The following SPIDR variants were observed in gnomAD, a reference collection of about 807,000 sequenced individuals.
SPIDR encodes the protein scaffold protein involved in DNA repair, also known as DNA repair-scaffolding protein.
In SPIDR, 93 loss-of-function variants were observed where a neutral mutation model predicts 104.6. That is an observed-to-expected ratio of 0.89 (90% confidence interval 0.75 to 1.06). The LOEUF (loss-of-function observed/expected upper bound fraction) is 1.06, where lower values mean the gene tolerates loss of function less well. Ranked by LOEUF, SPIDR falls within the 50% of genes least tolerant of loss-of-function variation. SPIDR has a pLI of 0.00. For synonymous variants in SPIDR, 431 were observed against 416.9 expected (o/e 1.03, Z -0.41); for missense variants, 1,154 against 1,111.2 (o/e 1.04, Z -0.55).
At chr8:47,370,656 G>T (rs1457026393) in intron 5 of SPIDR, among the ~76,000 whole-genome samples, 3 of 151,186 alleles carry the variant, frequency 2.0e-5, no homozygotes, top group Admixed American at 1.3e-4. Context: ...CACCATGTTG[G>T]TGAAAGGCTG....
chr8:47,607,997 A>ACAATT (rs1300287595), intron 10 of SPIDR, among the ~76,000 whole-genome samples: 1 of 152,186 alleles, frequency 6.6e-6, no homozygotes, highest in Non-Finnish European at 1.5e-5. Flanking sequence ...TTTAAAGTGT[A>ACAATT]CAATTCAATT....
chr8:47,488,192 T>C (rs2078030666), intron 8 of SPIDR, among the ~76,000 whole-genome samples: 1 of 152,204 alleles, frequency 6.6e-6, no homozygotes, highest in Non-Finnish European at 1.5e-5. Flanking sequence ...CCCACAGAAA[T>C]GCAAACTACC....
chr8:47,647,645 A>AGAGAGAGAGAGAGAGAGAGG (rs2070722301), intron 10 of SPIDR, among the ~76,000 whole-genome samples: 1 of 146,236 alleles, frequency 6.8e-6, no homozygotes, highest in Non-Finnish European at 1.5e-5. Flanking sequence ...AGAGAGAGAG[A>AGAGAGAGAGAGAGAGAGAGG]GAGAGAGAGG....
chr8:47,345,394 T>C (rs2051730955), intron 5 of SPIDR, among the ~76,000 whole-genome samples: 1 of 152,268 alleles, frequency 6.6e-6, no homozygotes, highest in South Asian at 2.1e-4. Flanking sequence ...AGTCAGGTAG[T>C]GTGATGCCTC....
chr8:47,709,175 C>G (rs923136535), intron 14 of SPIDR, among the ~76,000 whole-genome samples: 14 of 152,092 alleles, frequency 9.2e-5, no homozygotes, highest in Admixed American at 2.6e-4. Flanking sequence ...GAGTCTCTCT[C>G]TGTCGCCCAC....
chr8:47,346,767 T>C (rs1423029993), intron 5 of SPIDR, among the ~76,000 whole-genome samples: 1 of 152,244 alleles, frequency 6.6e-6, no homozygotes, highest in Non-Finnish European at 1.5e-5. Context: ...TATAGTATTC[T>C]CTGATGGTAG....
rs547376910 is a variant in SPIDR, at chr8:47,715,118, A to G, written c.2341+1477A>G. Among the ~76,000 whole-genome samples the G allele has an allele frequency of 9.2e-5, 14 of 151,812 alleles. No homozygotes were observed. In the South Asian group the frequency reaches 1.2e-3, roughly 14 times the overall value. Reference sequence around the variant, plus strand: ...ACACCCTAGTCTTAGGAAACCACCAATCTACTGTTTGCTTCTATGAATTTG... The same window carrying G: ...ACACCCTAGTCTTAGGAAACCACCAGTCTACTGTTTGCTTCTATGAATTTG... On this transcript the variant is annotated intron_variant, in intron 16 of 19. Coordinates refer to ENST00000297423, the MANE Select transcript of SPIDR (RefSeq NM_001080394.4).
chr8:47,719,016 G>A (rs1291162869), intron 16 of SPIDR, among the ~76,000 whole-genome samples: 1 of 152,144 alleles, frequency 6.6e-6, no homozygotes, highest in Admixed American at 6.5e-5. Context: ...CTGAGGTGAG[G>A]TGGTGAGCAG....
chr8:47,303,567 C>T (rs2042611937), intron 5 of SPIDR, among the ~76,000 whole-genome samples: 1 of 152,194 alleles, frequency 6.6e-6, no homozygotes, highest in African/African-American at 2.4e-5. Flanking sequence ...GGAGCTGTTC[C>T]TGTTTGGCCA....
At chr8:47,399,850 T>C (rs2061652758) in intron 6 of SPIDR, among the ~76,000 whole-genome samples, 1 of 152,130 alleles carries the variant, frequency 6.6e-6, no homozygotes, top group Non-Finnish European at 1.5e-5. Context: ...GGGAAAAGGT[T>C]GGTCAAACAC....
At chr8:47,648,479 A>G (rs1234700547) in intron 10 of SPIDR, among the ~76,000 whole-genome samples, 2 of 152,168 alleles carry the variant, frequency 1.3e-5, no homozygotes, top group Non-Finnish European at 2.9e-5. Context: ...TTCAAGATGG[A>G]TGGGTGAATG....
intron 5 of SPIDR, among the ~76,000 whole-genome samples, chr8:47,324,813 A>G (rs539387984): frequency 6.6e-6 from 1 of 152,310 alleles, no homozygotes; most frequent in South Asian, 2.1e-4. Flanking sequence ...AAAGTACTAC[A>G]TACTGGATGG....
In SPIDR at chr8:47,558,862, C is replaced by T. The variant is rs1365115217; in HGVS notation, c.1098-36949C>T. ...TCACTGTGTTAGCCGGGATGAGTGTCGATCTGACCTCGTGATCCACCCGCC... is the reference window on the plus strand; with the variant it reads ...TCACTGTGTTAGCCGGGATGAGTGTTGATCTGACCTCGTGATCCACCCGCC... On this transcript the variant is annotated intron_variant, in intron 8 of 19. Transcript: ENST00000297423. Among the ~76,000 whole-genome samples the T allele has an allele frequency of 5.9e-5, 9 of 152,094 alleles. No individual in the cohort carries two copies. In the South Asian group the frequency reaches 1.9e-3, roughly 32 times the overall value.
At chr8:47,557,120 C>A (rs2091417967) in intron 8 of SPIDR, among the ~76,000 whole-genome samples, 1 of 152,100 alleles carries the variant, frequency 6.6e-6, no homozygotes, top group African/African-American at 2.4e-5. Flanking sequence ...TGCATTATAA[C>A]ATTTTACTGA....
At chr8:47,292,635 A>G (rs1173493250) in intron 4 of SPIDR, among the ~76,000 whole-genome samples, 1 of 152,134 alleles carries the variant, frequency 6.6e-6, no homozygotes, top group Admixed American at 6.6e-5. Context: ...CAATTTCCTC[A>G]TCTGTAAAAT....
intron 8 of SPIDR, among the ~76,000 whole-genome samples, chr8:47,543,976 G>A (rs968074903): frequency 2.0e-5 from 3 of 152,096 alleles, no homozygotes; most frequent in Non-Finnish European, 2.9e-5. Context: ...CCTTAGGGAA[G>A]AATTCTGGTT....
At chr8:47,434,459 C>A (rs2067915680) in intron 7 of SPIDR, among the ~76,000 whole-genome samples, 1 of 152,098 alleles carries the variant, frequency 6.6e-6, no homozygotes, top group African/African-American at 2.4e-5. Flanking sequence ...GCAGGCTAGC[C>A]TTTTGGGATA....
At chr8:47,466,887 G>GAAAAAAA (rs148299700) in intron 8 of SPIDR, among the ~76,000 whole-genome samples, 5 of 48,970 alleles carry the variant, frequency 1.0e-4, no homozygotes, top group African/African-American at 2.7e-4. Flanking sequence ...AGTTTTTTTT[G>GAAAAAAA]AAAAAAAAAA....
rs1308367275 is a variant in SPIDR at position 47,336,352 on chromosome 8, C to T, written c.525+42322C>T. On this transcript the variant is annotated intron_variant, in intron 5 of 19. Coordinates refer to ENST00000297423, the MANE Select transcript of SPIDR (RefSeq NM_001080394.4). ...GTTTGGTCTAGGTCCTGTTGCTTGC[C>T]GCACAGAAAGCCAGTGACTGAGACA... 6.6e-5 allele frequency among the ~76,000 whole-genome samples: 10 copies of T among 152,214 alleles called. 1 individual carries two copies. The highest frequency in any genetic ancestry group is 2.1e-4 in the South Asian group (1 of 4,822).
Sources: allele counts gnomAD v4.1 joint callset (sites outside exome capture counted in the v4.1 genomes callset), GRCh38; gene constraint gnomAD v4.1.1; transcripts MANE v1.5; gene names NCBI Gene and HGNC (gene_info 2026-07-23, HGNC 2026-07-21).